PPP6R2: variants seen among roughly 807,000 people sequenced by gnomAD.
PPP6R2 encodes protein phosphatase 6 regulatory subunit 2, also known as serine/threonine-protein phosphatase 6 regulatory subunit 2.
A neutral mutation model predicts 100.2 loss-of-function variants in PPP6R2; 62 were observed. That is an observed-to-expected ratio of 0.62 (90% confidence interval 0.50 to 0.76). The LOEUF (loss-of-function observed/expected upper bound fraction) is 0.76. PPP6R2 is among the 30% of genes least tolerant of loss of function. The probability of loss-of-function intolerance (pLI) is 0.00; values close to 1 mark genes in which losing one functional copy is unlikely to be tolerated. For missense variants in PPP6R2, 1,142 were observed against 1,276.3 expected, an observed-to-expected ratio of 0.89 and a Z score of 1.60; for synonymous variants, 525 against 514.7, an observed-to-expected ratio of 1.02 and a Z score of -0.27.
Position 50,436,388 on chromosome 22 carries a change from G to C in PPP6R2, c.1538G>C (p.Gly513Ala). The part of the protein sequence containing the change: ...VIRGLPADCR[G>A]RWESFVEETL... ...GCAGGGCTCCCTGCGGACTGCCGTG[G>C]CCGCTGGGAGAGCTTCGTGGAGGAG... Residue 513 changes from glycine to alanine, a missense_variant, in exon 14 of 24, where the codon GGC becomes GCC. Around this residue, in one of 2 missense-constraint regions of PPP6R2, gnomAD observed 592 missense variants for 758.9 expected, o/e 0.78. Coordinates refer to ENST00000612753, the MANE Select transcript of PPP6R2 (RefSeq NM_001242898.2). 1 of 1,585,252 alleles carries C rather than the reference G, an allele frequency of 6.3e-7. No individual in the cohort carries two copies. Among genetic ancestry groups the C allele is most frequent in the Non-Finnish European group, 8.6e-7 (1 of 1,167,084 alleles).
At chr22:50,359,364 G>A (rs1208832096) in intron 1 of PPP6R2, among the ~76,000 whole-genome samples, 2 of 151,908 alleles carry the variant, frequency 1.3e-5, no homozygotes, top group East Asian at 1.9e-4. Context: ...GACTACAGGC[G>A]CCCACCACCG....
intron 19 of PPP6R2, 84 bp downstream of exon 19, chr22:50,438,846 T>C: frequency 7.3e-7 from 1 of 1,375,218 alleles, no homozygotes; most frequent in Non-Finnish European, 9.7e-7. Context: ...GAGGCTTCAT[T>C]TGGAGCTGAG....
chr22:50,430,902 G>A lies in PPP6R2; in HGVS notation c.1126-271G>A, dbSNP rs554918038. On this transcript the variant is annotated intron_variant, in intron 10 of 23. Coordinates refer to ENST00000612753, the MANE Select transcript of PPP6R2 (RefSeq NM_001242898.2). ...AAAAAAAAAAAAAAAGAATAAACCC[G>A]CAGAAAGTAGAAAGGTGATGATTCA... Among the ~76,000 whole-genome samples, 369 of 146,908 alleles carry A rather than the reference G, an allele frequency of 2.5e-3. 2 individuals are homozygous for A. Among genetic ancestry groups the A allele is most frequent in the African/African-American group, 7.8e-3 (313 of 40,264 alleles).
chr22:50,402,330 T>C (rs1406170835), intron 3 of PPP6R2, among the ~76,000 whole-genome samples: 1 of 61,690 alleles, frequency 1.6e-5, no homozygotes, highest in Non-Finnish European at 3.7e-5. Context: ...CCCAGTTTCT[T>C]TTTTTTTTTT....
At chr22:50,441,567 TG>T (rs2065631757) in intron 22 of PPP6R2, among the ~76,000 whole-genome samples, 1 of 151,980 alleles carries the variant, frequency 6.6e-6, no homozygotes, top group Non-Finnish European at 1.5e-5. Context: ...GATAGTAGGA[TG>T]GGGGGCGGCG....
chr22:50,419,184 T>G (rs11091015), intron 7 of PPP6R2, among the ~76,000 whole-genome samples, 165 bp from the exon 8 acceptor site: 50,405 of 151,988 alleles, frequency 0.33, 8,972 homozygotes, highest in East Asian at 0.67. Context: ...GTCTAGAGAG[T>G]GGGCCAGCAG....
At chr22:50,367,655 A>G (rs1211210583) in intron 1 of PPP6R2, among the ~76,000 whole-genome samples, 2 of 152,220 alleles carry the variant, frequency 1.3e-5, no homozygotes, top group East Asian at 1.9e-4. Flanking sequence ...CTGTCCCATT[A>G]CAGTCCAATT....
chr22:50,439,103 G>A (rs1306090442), intron 19 of PPP6R2, among the ~76,000 whole-genome samples: 1 of 152,154 alleles, frequency 6.6e-6, no homozygotes, highest in East Asian at 1.9e-4. Flanking sequence ...CAGGCCGGCC[G>A]CCACCTTCAT....
At chr22:50,421,049 T>G (rs573702180) in intron 8 of PPP6R2, among the ~76,000 whole-genome samples, 2 of 152,270 alleles carry the variant, frequency 1.3e-5, no homozygotes, top group Admixed American at 1.3e-4. Context: ...GATAAGAAAT[T>G]GACTTAACCT....
chr22:50,383,099 A>G (rs1022833006), intron 2 of PPP6R2, among the ~76,000 whole-genome samples: 13 of 152,184 alleles, frequency 8.5e-5, no homozygotes, highest in East Asian at 3.9e-4. Context: ...TGGCCTCCCA[A>G]AGTTCTGGGA....
In PPP6R2 at chr22:50,440,844, C is replaced by T; in HGVS notation, c.2397C>T (p.Ala799=). The T allele has an allele frequency of 6.2e-7, 1 of 1,613,738 alleles. No individual in the cohort carries two copies. Among genetic ancestry groups the T allele is most frequent in the Non-Finnish European group, 8.5e-7 (1 of 1,180,010 alleles). Residue 799 remains alanine, a synonymous_variant, in exon 22 of 24, where the codon GCC becomes GCT. Coordinates refer to ENST00000612753, the MANE Select transcript of PPP6R2 (RefSeq NM_001242898.2). ...CAGTCAGCCCGGCTTCTCCATGTGCCTGGAACGTGTGTGTCACCAGGAAGG... is the reference window on the plus strand; with the variant it reads ...CAGTCAGCCCGGCTTCTCCATGTGCTTGGAACGTGTGTGTCACCAGGAAGG... The part of the protein sequence containing the change: ...EKAFSPASPC[A]WNVCVTRKAP...
chr22:50,351,085 G>A (rs1183437793), intron 1 of PPP6R2, among the ~76,000 whole-genome samples: 1 of 122,414 alleles, frequency 8.2e-6, no homozygotes, highest in African/African-American at 3.3e-5. Flanking sequence ...TTGTTGCCCA[G>A]GCTGGAGTGC....
the PPP6R2 span, among the ~76,000 whole-genome samples, chr22:50,334,995 A>G: frequency 6.6e-6 from 1 of 152,044 alleles, no homozygotes; most frequent in Non-Finnish European, 1.5e-5. Context: ...AGATTTTGCC[A>G]GAGATTACAT....
intron 1 of PPP6R2, among the ~76,000 whole-genome samples, chr22:50,368,888 G>C (rs954536699): frequency 2.0e-5 from 3 of 152,144 alleles, no homozygotes; most frequent in African/African-American, 4.8e-5. Flanking sequence ...AATTTGTTAA[G>C]AAGATGCATG....
the PPP6R2 span, among the ~76,000 whole-genome samples, chr22:50,337,476 GTT>G: frequency 1.4e-5 from 2 of 139,280 alleles, no homozygotes; most frequent in Admixed American, 7.1e-5. Context: ...TGTGTGTAGT[GTT>G]TGTCTGCGAT....
intron 19 of PPP6R2, among the ~76,000 whole-genome samples, 178 bp from the exon 20 acceptor site, chr22:50,439,523 C>T (rs544341183): frequency 1.1e-4 from 17 of 152,252 alleles, no homozygotes; most frequent in Admixed American, 9.8e-4. Context: ...TCAGGACCCT[C>T]GAGCTGTCCC....
At chr22:50,404,584 TTTTC>T (rs1044014391) in intron 3 of PPP6R2, among the ~76,000 whole-genome samples, 9 of 148,678 alleles carry the variant, frequency 6.1e-5, no homozygotes, top group Non-Finnish European at 1.3e-4. Flanking sequence ...CCTGGCTAAT[TTTTC>T]TTTCTTTCTT....
chr22:50,426,362 C>T (rs1485210844), intron 10 of PPP6R2, among the ~76,000 whole-genome samples: 1 of 152,196 alleles, frequency 6.6e-6, no homozygotes, highest in East Asian at 1.9e-4. Context: ...CCAAAAAAGT[C>T]ATTGCCAAAT....
At chr22:50,442,129 G>A (rs1472776070) in intron 22 of PPP6R2, among the ~76,000 whole-genome samples, 1 of 152,174 alleles carries the variant, frequency 6.6e-6, no homozygotes, top group African/African-American at 2.4e-5. Context: ...GTGTCCCCCA[G>A]CCTCACCGCC....
Sources: allele counts gnomAD v4.1 joint callset (sites outside exome capture counted in the v4.1 genomes callset), GRCh38; gene constraint gnomAD v4.1.1; regional missense constraint gnomAD v4.1.1; transcripts MANE v1.5; gene names NCBI Gene and HGNC (gene_info 2026-07-23, HGNC 2026-07-21).